Variants in TEAD1 observed in about 807,000 individuals in gnomAD.
TEAD1 encodes TEA domain transcription factor 1, also known as transcriptional enhancer factor TEF-1.
A neutral mutation model predicts 54.9 loss-of-function variants in TEAD1; 9 were observed. That is an observed-to-expected ratio of 0.16 (90% CI 0.10 to 0.29). The LOEUF (loss-of-function observed/expected upper bound fraction) is 0.29. Among genes scored for constraint, TEAD1 ranks in the 10% least tolerant of loss-of-function variants. The pLI, the probability that TEAD1 is intolerant of heterozygous loss-of-function variation, is 1.00. For missense variants in TEAD1, 387 were observed against 535.9 expected (o/e 0.72, Z 2.74); for synonymous variants, 200 against 187.8 (o/e 1.07, Z -0.53).
At chr11:12,806,814 G>A (rs1946182146) in intron 3 of TEAD1, among the ~76,000 whole-genome samples, 1 of 152,160 alleles carries the variant, frequency 6.6e-6, no homozygotes, top group African/African-American at 2.4e-5. Flanking sequence ...GTCAGGTCAG[G>A]TTTGAATTCT....
At chr11:12,810,722 G>C (rs957958381) in intron 3 of TEAD1, among the ~76,000 whole-genome samples, 1 of 152,198 alleles carries the variant, frequency 6.6e-6, no homozygotes, top group Non-Finnish European at 1.5e-5. Flanking sequence ...CACAGTGGCT[G>C]ATGTCATTGT....
chr11:12,775,562 G>A (rs1945400149), intron 3 of TEAD1, among the ~76,000 whole-genome samples: 1 of 152,122 alleles, frequency 6.6e-6, no homozygotes. Context: ...GTTTAAAGTG[G>A]TCTTTTTAAA....
rs752336127 is a variant in TEAD1, at chr11:12,864,917, T to C, written c.330+17T>C. On this transcript the variant is annotated intron_variant, in intron 5 of 12. Transcript: ENST00000527636. ...AAGCTAAAGGTATGCGCTTTTCTGC[T>C]TTTTGGCTTGTGGTTGCTATGCATC... 1 of 1,614,052 alleles carries C rather than the reference T, an allele frequency of 6.2e-7. No individual in the cohort carries two copies. The highest frequency in any genetic ancestry group is 1.1e-5 in the South Asian group (1 of 91,074).
intron 2 of TEAD1, among the ~76,000 whole-genome samples, chr11:12,730,236 C>G (rs961954955): frequency 3.9e-5 from 6 of 152,050 alleles, no homozygotes; most frequent in South Asian, 2.1e-4. Flanking sequence ...TTATTGTTTA[C>G]AAAACACTCT....
At chr11:12,831,201 A>G (rs1024401152) in intron 3 of TEAD1, among the ~76,000 whole-genome samples, 2 of 151,924 alleles carry the variant, frequency 1.3e-5, no homozygotes, top group Admixed American at 6.6e-5. Flanking sequence ...TCTTCCTTCT[A>G]ACTCTCCCCA....
chr11:12,873,918 C>G (rs914911182), intron 5 of TEAD1, among the ~76,000 whole-genome samples: 1 of 152,248 alleles, frequency 6.6e-6, no homozygotes, highest in Non-Finnish European at 1.5e-5. Flanking sequence ...AAGCAAATTG[C>G]TGTCTTTCCT....
intron 2 of TEAD1, among the ~76,000 whole-genome samples, chr11:12,745,202 G>A (rs1264632272): frequency 1.3e-5 from 2 of 152,150 alleles, no homozygotes; most frequent in Non-Finnish European, 2.9e-5. Context: ...AGCTTTTATG[G>A]TAAAAACCAG....
At chr11:12,920,226 A>C (rs1273783812) in intron 10 of TEAD1, among the ~76,000 whole-genome samples, 1 of 152,210 alleles carries the variant, frequency 6.6e-6, no homozygotes, top group Non-Finnish European at 1.5e-5. Context: ...AGCTGCTTTC[A>C]CCAGCGTTAC....
chr11:12,910,472 G>A (rs958180205), intron 10 of TEAD1, among the ~76,000 whole-genome samples: 3 of 152,050 alleles, frequency 2.0e-5, no homozygotes, highest in Non-Finnish European at 4.4e-5. Context: ...GTACAGTAAA[G>A]GCTTAGTCTT....
At chr11:12,927,033 A>T (rs532245651) in intron 11 of TEAD1, among the ~76,000 whole-genome samples, 1 of 152,312 alleles carries the variant, frequency 6.6e-6, no homozygotes, top group Admixed American at 6.5e-5. Context: ...AGAAAAGATG[A>T]ACCAGACAGC....
chr11:12,934,402 AG>A (rs1226075996), intron 12 of TEAD1, among the ~76,000 whole-genome samples: 1 of 151,926 alleles, frequency 6.6e-6, no homozygotes, highest in Non-Finnish European at 1.5e-5. Flanking sequence ...GTGGGAGTAG[AG>A]GGGGAAGGGA....
chr11:12,713,819 T>G (rs564354452), intron 2 of TEAD1, among the ~76,000 whole-genome samples: 1 of 152,218 alleles, frequency 6.6e-6, no homozygotes, highest in Non-Finnish European at 1.5e-5. Context: ...TCTCCTCTCA[T>G]GTTCAGCAAA....
At chr11:12,892,716 C>T (rs1948223106) in intron 9 of TEAD1, among the ~76,000 whole-genome samples, 1 of 152,196 alleles carries the variant, frequency 6.6e-6, no homozygotes, top group South Asian at 2.1e-4. Context: ...CAGGAGGGTT[C>T]TTGCCTTTAT....
intron 5 of TEAD1, among the ~76,000 whole-genome samples, chr11:12,874,832 A>G (rs1220896298): frequency 1.3e-5 from 2 of 152,106 alleles, no homozygotes; most frequent in African/African-American, 2.4e-5. Context: ...TCAGTTGGAA[A>G]AGGGAGATTT....
intron 3 of TEAD1, among the ~76,000 whole-genome samples, chr11:12,827,126 T>C (rs145085895): frequency 1.3e-5 from 2 of 152,258 alleles, no homozygotes; most frequent in Admixed American, 1.3e-4. Context: ...TTTTCCTGAG[T>C]AGTGAAGAAT....
At chr11:12,879,987 C>G in intron 6 of TEAD1, 145 bp downstream of exon 6, 2 of 1,259,644 alleles carry the variant, frequency 1.6e-6, no homozygotes, top group Non-Finnish European at 2.2e-6. Context: ...ATAACTGAGT[C>G]TAAAGTGGTG....
At chr11:12,766,618 G>A (rs1215363219) in intron 3 of TEAD1, among the ~76,000 whole-genome samples, 1 of 152,196 alleles carries the variant, frequency 6.6e-6, no homozygotes, top group Non-Finnish European at 1.5e-5. Context: ...CAAATGTGGT[G>A]CTGCTTGGGA....
chr11:12,938,334 A>G lies in TEAD1; in HGVS notation c.*1112A>G, dbSNP rs1949129140. ...CATCTCTGCTCCCCAGAAAATTGTAAGCATCCTCACCAGCCTGTGGATACA... is the reference window on the plus strand; with the variant it reads ...CATCTCTGCTCCCCAGAAAATTGTAGGCATCCTCACCAGCCTGTGGATACA... On this transcript the variant is annotated 3_prime_UTR_variant, in exon 13 of 13. Transcript: ENST00000527636. 6.6e-6 allele frequency: 1 copy of G among 152,666 alleles called. No homozygotes were observed. The highest frequency in any genetic ancestry group is 1.5e-5 in the Non-Finnish European group (1 of 68,036). 9.5% of individuals were successfully genotyped at this position (152,666 alleles called of 1,614,324 possible).
chr11:12,802,713 G>A (rs1946085288), intron 3 of TEAD1, among the ~76,000 whole-genome samples: 5 of 152,146 alleles, frequency 3.3e-5, no homozygotes, highest in Admixed American at 3.3e-4. Flanking sequence ...ACCCGACCGG[G>A]TCTCAGGTAT....
Sources: gnomAD v4.1 joint callset for allele counts (sites outside exome capture counted in the v4.1 genomes callset) on GRCh38, gnomAD v4.1.1 for gene constraint, MANE v1.5 for transcripts, NCBI Gene and HGNC (gene_info 2026-07-23, HGNC 2026-07-21) for gene names.